CSMD1: variants seen among roughly 807,000 people sequenced by gnomAD.
CSMD1 encodes the protein CUB and sushi domain-containing protein 1.
Under a neutral mutation model 417.5 loss-of-function variants are expected in CSMD1, and 213 were observed. The ratio of observed to expected loss-of-function variants is 0.51; its 90% CI spans 0.46 to 0.57. The LOEUF is 0.57. Ranked by LOEUF, CSMD1 falls within the 20% of genes least tolerant of loss-of-function variation. The pLI, the probability that CSMD1 is intolerant of heterozygous loss-of-function variation, is 0.00. For missense variants in CSMD1, 6,923 were observed against 4,529.7 expected (o/e 1.53, Z -15.17); for synonymous variants, 2,862 against 1,736.8 (o/e 1.65, Z -16.11).
chr8:3,746,890 G>C (rs987761795), intron 6 of CSMD1, among the ~76,000 whole-genome samples: 1 of 152,198 alleles, frequency 6.6e-6, no homozygotes, highest in East Asian at 1.9e-4. Flanking sequence ...GCCAGCCCAA[G>C]AGGACTGAGT....
At chr8:3,607,285 A>G (rs1357673150) in intron 8 of CSMD1, among the ~76,000 whole-genome samples, 1 of 152,186 alleles carries the variant, frequency 6.6e-6, no homozygotes, top group Non-Finnish European at 1.5e-5. Context: ...AAGGACACAC[A>G]TAAATGAAGC....
intron 20 of CSMD1, among the ~76,000 whole-genome samples, chr8:3,360,840 C>A (rs993145768): frequency 6.6e-6 from 1 of 150,868 alleles, no homozygotes; most frequent in East Asian, 1.9e-4. Context: ...TAGTATTCCT[C>A]AAATCTGATC....
intron 2 of CSMD1, among the ~76,000 whole-genome samples, chr8:4,567,057 G>A (rs184289805): frequency 9.9e-4 from 150 of 152,166 alleles, no homozygotes; most frequent in Non-Finnish European, 1.8e-3. Flanking sequence ...TTGAAAAGGG[G>A]GCTTCCATAA....
chr8:4,453,216 G>GAC (rs71207090), intron 2 of CSMD1, among the ~76,000 whole-genome samples: 26,837 of 148,992 alleles, frequency 0.18, 2,504 homozygotes, highest in Middle Eastern at 0.26. Flanking sequence ...CACACACAGA[G>GAC]ACACACACAC....
chr8:3,402,202 GA>G lies in CSMD1; in HGVS notation c.2267-2674del, dbSNP rs1397646621. ...ACTAAGGTTCTCTAGACTTGAAAGA[GA>G]ACTCACTCACACCCCTGTAGGGTAC... On this transcript the variant is annotated intron_variant, in intron 15 of 69. Coordinates refer to ENST00000635120, the MANE Select transcript of CSMD1 (RefSeq NM_033225.6). Among the ~76,000 whole-genome samples, 85 of 152,186 alleles carry G rather than the reference GA, an allele frequency of 5.6e-4. 2 individuals are homozygous for G. The highest frequency in any genetic ancestry group is 2.0e-3 in the African/African-American group (83 of 41,536).
chr8:3,276,247 C>T (rs1802282101), intron 26 of CSMD1, among the ~76,000 whole-genome samples: 1 of 152,130 alleles, frequency 6.6e-6, no homozygotes, highest in Non-Finnish European at 1.5e-5. Context: ...TCTTGGGGGT[C>T]AGGGACCCAC....
intron 2 of CSMD1, among the ~76,000 whole-genome samples, chr8:4,437,836 G>C (rs932758068): frequency 1.3e-5 from 2 of 152,146 alleles, no homozygotes; most frequent in African/African-American, 4.8e-5. Flanking sequence ...CTGTAAAACT[G>C]TGCAGGTCTG....
chr8:4,450,780 G>C (rs1203051810), intron 2 of CSMD1, among the ~76,000 whole-genome samples: 2 of 152,230 alleles, frequency 1.3e-5, no homozygotes, highest in Middle Eastern at 3.4e-3. Context: ...AGCAAGTATT[G>C]TATTTTCATT....
At chr8:4,939,108 T>A (rs545738453) in intron 1 of CSMD1, among the ~76,000 whole-genome samples, 1 of 152,326 alleles carries the variant, frequency 6.6e-6, no homozygotes, top group Admixed American at 6.5e-5. Flanking sequence ...TTTATTTTAT[T>A]ATTTCTTTTG....
chr8:4,210,032 G>T (rs984057072), intron 3 of CSMD1, among the ~76,000 whole-genome samples: 4 of 152,222 alleles, frequency 2.6e-5, no homozygotes, highest in Non-Finnish European at 5.9e-5. Context: ...TCTCTATTTG[G>T]TCCAGTGTCT....
intron 2 of CSMD1, among the ~76,000 whole-genome samples, chr8:4,606,211 G>C (rs1010672498): frequency 6.6e-6 from 1 of 152,160 alleles, no homozygotes; most frequent in African/African-American, 2.4e-5. Flanking sequence ...ACGCCTTGCA[G>C]GTCTAAGAGT....
intron 1 of CSMD1, among the ~76,000 whole-genome samples, chr8:4,860,629 T>C (rs545729164): frequency 1.3e-5 from 2 of 152,254 alleles, no homozygotes; most frequent in South Asian, 4.1e-4. Flanking sequence ...CTCTGACATA[T>C]TTCTTTATGG....
At chr8:4,366,545 G>A (rs1802084230) in intron 3 of CSMD1, among the ~76,000 whole-genome samples, 1 of 152,050 alleles carries the variant, frequency 6.6e-6, no homozygotes, top group Non-Finnish European at 1.5e-5. Flanking sequence ...TCCACTCACA[G>A]CATATAAAAA....
intron 10 of CSMD1, among the ~76,000 whole-genome samples, chr8:3,567,606 C>G (rs1799769819): frequency 6.6e-6 from 1 of 151,662 alleles, no homozygotes; most frequent in African/African-American, 2.4e-5. Flanking sequence ...AAAGAAAAAG[C>G]CTATAATACC....
Position 2,935,521 on chromosome 8 carries a change from G to C in CSMD1, c.*3064C>G, listed in dbSNP as rs1300418633. ...ATACATGTGTAATAGGATTGGAACT[G>C]AAAATCAGCTAGAGATGGTACATTT... On this transcript the variant is annotated 3_prime_UTR_variant, in exon 70 of 70. Coordinates refer to ENST00000635120, the MANE Select transcript of CSMD1 (RefSeq NM_033225.6). 1.3e-5 allele frequency: 2 copies of C among 152,120 alleles called. No individual in the cohort carries two copies. The highest frequency in any genetic ancestry group is 4.8e-5 in the African/African-American group (2 of 41,398). 9.4% of individuals were successfully genotyped at this position (152,120 alleles called of 1,614,324 possible).
chr8:4,241,223 T>G (rs781046534), intron 3 of CSMD1, among the ~76,000 whole-genome samples: 17 of 152,176 alleles, frequency 1.1e-4, no homozygotes, highest in Non-Finnish European at 2.1e-4. Context: ...TGTAGCACAC[T>G]AGAATAGAAT....
chr8:3,669,677 T>C (rs1053019452), intron 7 of CSMD1, among the ~76,000 whole-genome samples: 6 of 152,072 alleles, frequency 3.9e-5, no homozygotes, highest in African/African-American at 9.7e-5. Context: ...GCTCAGCACC[T>C]ATTCTGTGTG....
intron 48 of CSMD1, among the ~76,000 whole-genome samples, chr8:3,090,385 C>T (rs576918271): frequency 1.4e-5 from 2 of 147,096 alleles, no homozygotes; most frequent in East Asian, 4.1e-4. Flanking sequence ...TTGCTGAATG[C>T]AAATCCCATC....
chr8:4,366,104 C>T (rs765970333), intron 3 of CSMD1, among the ~76,000 whole-genome samples: 2 of 152,020 alleles, frequency 1.3e-5, no homozygotes, highest in African/African-American at 2.4e-5. Context: ...AGGTAGTACC[C>T]GGCACCTGTT....
Sources: gnomAD v4.1 joint callset for allele counts (sites outside exome capture counted in the v4.1 genomes callset) on GRCh38, gnomAD v4.1.1 for gene constraint, MANE v1.5 for transcripts, NCBI Gene and HGNC (gene_info 2026-07-23, HGNC 2026-07-21) for gene names.